TMED8: variants seen among roughly 807,000 people sequenced by gnomAD.
TMED8 encodes protein TMED8.
A neutral mutation model predicts 32.7 loss-of-function variants in TMED8; 15 were observed. The observed-to-expected ratio is 0.46, with a 90% CI of 0.31 to 0.71. The LOEUF is 0.71. TMED8 is among the 30% of genes least tolerant of loss of function. TMED8 has a pLI of 0.06. For missense variants in TMED8, 390 were observed against 423.9 expected (o/e 0.92, Z 0.70); for synonymous variants, 147 against 161.4 (o/e 0.91, Z 0.68).
At position 77,341,687 on chromosome 14, in the gene TMED8, G is replaced by A. The variant is rs1892902660; in HGVS notation, c.*84C>T. On this transcript the variant is annotated 3_prime_UTR_variant, in exon 6 of 6. Transcript: ENST00000216468. ...CTCAGCAGCCCCCCATGAACCTTTGGCTCTTGCCTATCCCAAACAAGAGGC... is the reference window on the plus strand; with the variant it reads ...CTCAGCAGCCCCCCATGAACCTTTGACTCTTGCCTATCCCAAACAAGAGGC... 1 of 1,373,416 alleles carries A rather than the reference G, an allele frequency of 7.3e-7. No homozygotes were observed. The highest frequency in any genetic ancestry group is 1.4e-5 in the African/African-American group (1 of 70,230). 85.1% of individuals were successfully genotyped at this position (1,373,416 alleles called of 1,614,324 possible).
In TMED8 at chr14:77,372,936, ATATATATATATATATATTTTTTTTTT is replaced by A. The variant is rs1405836352; in HGVS notation, c.118+3974_118+3999del. 2.0e-3 allele frequency among the ~76,000 whole-genome samples: 61 copies of A among 30,658 alleles called. 2 individuals are homozygous for A. The highest frequency in any genetic ancestry group is 0.014 in the African/African-American group (55 of 3,904). The allele number at this position is 30,658 out of a possible 152,430, so 20.1% of individuals were successfully genotyped here. On this transcript the variant is annotated intron_variant, in intron 1 of 5. Transcript: ENST00000216468. ...TATATATATATATATATATATATAT[ATATATATATATATATATTTTTTTTTT>A]TTTTTTTTTTTTTTTTTTTTTGAGA...
At chr14:77,351,581 G>C in intron 2 of TMED8, 92 bp downstream of exon 2, 1 of 1,213,722 alleles carries the variant, frequency 8.2e-7, no homozygotes, top group East Asian at 2.4e-5. Flanking sequence ...ACTTTAACTT[G>C]CCTCCCCGCT....
intron 1 of TMED8, among the ~76,000 whole-genome samples, chr14:77,372,952 A>G (rs8011211): frequency 1.4e-4 from 2 of 14,308 alleles, no homozygotes; most frequent in Non-Finnish European, 2.2e-4. Flanking sequence ...ATATATATAT[A>G]TTTTTTTTTT....
At chr14:77,372,936 ATATATATATATATATATTTTTTTTTTT>A (rs1893717391) in intron 1 of TMED8, among the ~76,000 whole-genome samples, 18 of 30,666 alleles carry the variant, frequency 5.9e-4, no homozygotes, top group African/African-American at 1.3e-3. Context: ...ATATATATAT[ATATATATATATATATATTTTTTTTTTT>A]TTTTTTTTTT....
At chr14:77,354,836 C>A (rs1435369861) in intron 1 of TMED8, among the ~76,000 whole-genome samples, 1 of 151,988 alleles carries the variant, frequency 6.6e-6, no homozygotes, top group Non-Finnish European at 1.5e-5. Flanking sequence ...CACCTGTAAT[C>A]CCAGCTACTT....
chr14:77,354,831 G>C (rs1184512575), intron 1 of TMED8, among the ~76,000 whole-genome samples: 1 of 152,068 alleles, frequency 6.6e-6, no homozygotes, highest in Non-Finnish European at 1.5e-5. Flanking sequence ...GCGAGCACCT[G>C]TAATCCCAGC....
intron 2 of TMED8, among the ~76,000 whole-genome samples, chr14:77,349,114 T>TTTC: frequency 7.0e-6 from 1 of 142,170 alleles, no homozygotes; most frequent in Non-Finnish European, 1.5e-5. Flanking sequence ...CCCTTTTTTT[T>TTTC]TTTTTTTTTT....
rs372121235 is a variant in TMED8 at position 77,371,633 on chromosome 14, C to T, written c.118+5303G>A. Among the ~76,000 whole-genome samples, 5 of 152,256 alleles carry T rather than the reference C, an allele frequency of 3.3e-5. No homozygotes were observed. The East Asian group carries it at 7.7e-4, about 23-fold the overall frequency. ...GAAGTAAGAAAAGGAGAAAGAAAAA[C>T]ATAACTTTATTTCCAGAAGTATAAA... On this transcript the variant is annotated intron_variant, in intron 1 of 5. Transcript: ENST00000216468.
intron 1 of TMED8, among the ~76,000 whole-genome samples, chr14:77,363,345 C>T (rs1053030416): frequency 6.6e-6 from 1 of 152,132 alleles, no homozygotes; most frequent in Non-Finnish European, 1.5e-5. Context: ...ATTAAACAAC[C>T]TGCTCCTGAA....
intron 1 of TMED8, among the ~76,000 whole-genome samples, chr14:77,363,589 G>C (rs988451315): frequency 2.0e-5 from 3 of 152,128 alleles, no homozygotes; most frequent in African/African-American, 7.2e-5. Context: ...TTGAGTTCCA[G>C]GCTGCAGTGA....
At chr14:77,375,813 T>C (rs1472663572) in intron 1 of TMED8, among the ~76,000 whole-genome samples, 1 of 152,124 alleles carries the variant, frequency 6.6e-6, no homozygotes. Flanking sequence ...GTCACAATGG[T>C]TGAGACGAGT....
At chr14:77,375,796 CCTTA>C (rs1417960307) in intron 1 of TMED8, among the ~76,000 whole-genome samples, 1 of 152,164 alleles carries the variant, frequency 6.6e-6, no homozygotes, top group Non-Finnish European at 1.5e-5. Flanking sequence ...CAAAAAGAGA[CCTTA>C]CTGTCACAAT....
intron 3 of TMED8, among the ~76,000 whole-genome samples, chr14:77,344,504 G>A (rs925229002): frequency 5.3e-5 from 8 of 152,250 alleles, no homozygotes; most frequent in African/African-American, 1.9e-4. Context: ...ATGGAAGAAT[G>A]CAAATGGCAT....
intron 1 of TMED8, among the ~76,000 whole-genome samples, chr14:77,369,208 A>G (rs1482851773): frequency 2.0e-5 from 3 of 152,226 alleles, no homozygotes; most frequent in Non-Finnish European, 2.9e-5. Context: ...GTCCGTATAA[A>G]CATGTTTCTA....
chr14:77,373,878 AAG>A (rs1426777160), intron 1 of TMED8, among the ~76,000 whole-genome samples: 1 of 152,122 alleles, frequency 6.6e-6, no homozygotes, highest in Non-Finnish European at 1.5e-5. Flanking sequence ...GGTTGTTTAA[AAG>A]AGTCTGGGAC....
At chr14:77,342,528 G>A (rs1025162070) in intron 5 of TMED8, among the ~76,000 whole-genome samples, 1 of 152,158 alleles carries the variant, frequency 6.6e-6, no homozygotes, top group Non-Finnish European at 1.5e-5. Flanking sequence ...GAAGAAGCAC[G>A]TTAAAGGACT....
Position 77,343,774 on chromosome 14 carries a change from T to G in TMED8, c.377A>C (p.Gln126Pro), listed in dbSNP as rs1892966957. 2 of 1,614,038 alleles carry G rather than the reference T, an allele frequency of 1.2e-6. No individual in the cohort carries two copies. Among genetic ancestry groups the G allele is most frequent in the Non-Finnish European group, 1.7e-6 (2 of 1,180,016 alleles). Reference protein sequence around the residue: ...PQRSGDIVMIQSEHTGAIDVL... With the variant: ...PQRSGDIVMIPSEHTGAIDVL... The stretch of plus-strand genomic sequence containing the variant: ...ATCTATAGCTCCTGTATGTTCAGAC[T>G]GGATCATAACGATGTCCCCAGACCT... Residue 126 changes from glutamine to proline, a missense_variant, in exon 4 of 6, where the codon CAG becomes CCG. By Grantham distance (76) the Gln-to-Pro change is moderately conservative. Transcript: ENST00000216468.
intron 1 of TMED8, among the ~76,000 whole-genome samples, chr14:77,355,153 A>ATT (rs1044706712): frequency 2.1e-4 from 22 of 104,174 alleles, no homozygotes; most frequent in African/African-American, 6.2e-4. Flanking sequence ...ATGTATATGT[A>ATT]TTGTGTGTGT....
chr14:77,369,485 G>T (rs1893629280), intron 1 of TMED8, among the ~76,000 whole-genome samples: 1 of 152,186 alleles, frequency 6.6e-6, no homozygotes, highest in South Asian at 2.1e-4. Flanking sequence ...CTAACCCAAA[G>T]GAAATGGAGT....
Sources: gnomAD v4.1 joint callset for allele counts (sites outside exome capture counted in the v4.1 genomes callset) on GRCh38, gnomAD v4.1.1 for gene constraint, MANE v1.5 for transcripts, NCBI Gene and HGNC (gene_info 2026-07-23, HGNC 2026-07-21) for gene names.